DEPTOR: variants seen among roughly 807,000 people sequenced by gnomAD.
The protein encoded by DEPTOR is DEP domain containing MTOR interacting protein.
Under a neutral mutation model 41.6 loss-of-function variants are expected in DEPTOR, and 41 were observed. The ratio of observed to expected loss-of-function variants is 0.98; its 90% CI spans 0.77 to 1.28. DEPTOR has a LOEUF of 1.28. DEPTOR is among the 50% of genes most tolerant of loss of function. The pLI is 0.00. For missense variants in DEPTOR, 514 were observed against 527.9 expected (o/e 0.97, Z 0.26); for synonymous variants, 195 against 192.3 (o/e 1.01, Z -0.12).
intron 1 of DEPTOR, among the ~76,000 whole-genome samples, chr8:119,899,651 C>G (rs772024192): frequency 3.0e-4 from 45 of 152,268 alleles, no homozygotes; most frequent in East Asian, 1.5e-3. Flanking sequence ...ATGAGACAAC[C>G]ATAATTTGTG....
At chr8:119,985,411 T>C (rs536688660) in intron 4 of DEPTOR, among the ~76,000 whole-genome samples, 2 of 152,316 alleles carry the variant, frequency 1.3e-5, no homozygotes, top group African/African-American at 4.8e-5. Context: ...TTGTTTTTTC[T>C]TGTAAATTTG....
intron 4 of DEPTOR, among the ~76,000 whole-genome samples, chr8:119,999,753 A>G (rs1030029305): frequency 5.3e-5 from 8 of 152,256 alleles, no homozygotes; most frequent in Non-Finnish European, 7.3e-5. Context: ...TTCCACTTAC[A>G]TAATGTTCTC....
intron 8 of DEPTOR, among the ~76,000 whole-genome samples, chr8:120,044,226 A>G (rs956416553): frequency 3.3e-5 from 5 of 151,866 alleles, no homozygotes; most frequent in Admixed American, 6.6e-5. Context: ...CCCAGGTTCA[A>G]GTGATTCTCC....
At chr8:119,927,509 TA>T (rs1391551797) in intron 1 of DEPTOR, among the ~76,000 whole-genome samples, 1 of 151,130 alleles carries the variant, frequency 6.6e-6, no homozygotes, top group Non-Finnish European at 1.5e-5. Context: ...TATTTCTTTC[TA>T]GGCAGATTCT....
intron 3 of DEPTOR, among the ~76,000 whole-genome samples, chr8:119,963,374 G>A (rs907984921): frequency 5.3e-5 from 8 of 151,132 alleles, no homozygotes; most frequent in Admixed American, 2.6e-4. Context: ...TTTTTGAGAC[G>A]GAGTCTCCCT....
At position 119,929,883 on chromosome 8, in the gene DEPTOR, T is replaced by C. The variant is rs1470022386; in HGVS notation, c.370T>C (p.Phe124Leu). ...CCGCTTTAGAAAGGATGACGGCACC[T>C]TCCCATTGGATAATGAAGTGAAGGC... Reference protein sequence around the residue: ...FYRFRKDDGTFPLDNEVKAFM... With the variant: ...FYRFRKDDGTLPLDNEVKAFM... The change falls in exon 3 of 9, where the codon TTC becomes CTC. Residue 124 changes from phenylalanine (F) to leucine (L), a missense_variant. Coordinates refer to ENST00000286234, the MANE Select transcript of DEPTOR (RefSeq NM_022783.4). 6 of 1,613,818 alleles carry C rather than the reference T, an allele frequency of 3.7e-6. No homozygotes were observed. Among genetic ancestry groups the C allele is most frequent in the Non-Finnish European group, 5.1e-6 (6 of 1,179,878 alleles).
intron 8 of DEPTOR, among the ~76,000 whole-genome samples, chr8:120,027,234 A>ATAATAATAAT (rs1554586787): frequency 4.1e-5 from 6 of 145,100 alleles, no homozygotes; most frequent in African/African-American, 1.5e-4. Context: ...AATAAAAATA[A>ATAATAATAAT]AATAATAATA....
At chr8:119,928,702 T>C (rs1035497414) in intron 2 of DEPTOR, 124 bp downstream of exon 2, 12 of 1,015,948 alleles carry the variant, frequency 1.2e-5, no homozygotes, top group Admixed American at 1.1e-4. Flanking sequence ...CTCTCCCTGA[T>C]TGCATTTTCT....
At chr8:119,962,998 G>T (rs780252280) in intron 3 of DEPTOR, among the ~76,000 whole-genome samples, 1 of 152,168 alleles carries the variant, frequency 6.6e-6, no homozygotes, top group Non-Finnish European at 1.5e-5. Flanking sequence ...CGTGAGCTCA[G>T]TTTTGGGCTT....
At chr8:119,921,749 T>TG (rs1262538314) in intron 1 of DEPTOR, among the ~76,000 whole-genome samples, 108 of 125,966 alleles carry the variant, frequency 8.6e-4, no homozygotes, top group African/African-American at 3.2e-3. Context: ...TATTCTGTAG[T>TG]TTTTTTTTTT....
chr8:119,933,311 G>A (rs535939358), intron 3 of DEPTOR, among the ~76,000 whole-genome samples: 5 of 152,020 alleles, frequency 3.3e-5, no homozygotes, highest in South Asian at 2.1e-4. Context: ...CCAACATGGC[G>A]AAACCCTATC....
rs1165291532 is a variant in DEPTOR at position 120,001,711 on chromosome 8, G to A, written c.790+1G>A. The A allele has an allele frequency of 6.2e-7, 1 of 1,607,528 alleles. No homozygotes were observed. The highest frequency in any genetic ancestry group is 1.7e-5 in the Admixed American group (1 of 59,618). ...CGGAAATCTACCAGCTTTATGTCAG[G>A]TATGCCATCCCGGCATTTATTGGAG... On this transcript the variant is annotated splice_donor_variant, in intron 5 of 8. Transcript: ENST00000286234. LOFTEE classifies it high-confidence loss of function.
At chr8:119,958,647 T>G (rs1009614143) in intron 3 of DEPTOR, among the ~76,000 whole-genome samples, 1 of 151,926 alleles carries the variant, frequency 6.6e-6, no homozygotes, top group African/African-American at 2.4e-5. Flanking sequence ...CCAGGTGTGG[T>G]GGCATGCACC....
At chr8:120,047,132 T>C (rs1209550291) in intron 8 of DEPTOR, among the ~76,000 whole-genome samples, 5 of 152,280 alleles carry the variant, frequency 3.3e-5, no homozygotes, top group African/African-American at 1.2e-4. Flanking sequence ...CAAGCAATTC[T>C]CCTGCCCCAG....
chr8:119,983,754 G>T (rs978035308), intron 4 of DEPTOR, among the ~76,000 whole-genome samples: 8 of 134,118 alleles, frequency 6.0e-5, no homozygotes, highest in Admixed American at 4.3e-4. Context: ...AAGTAGGTGG[G>T]TTTTTTTTTC....
At chr8:119,891,066 C>G (rs572055980) in intron 1 of DEPTOR, 1 of 151,936 alleles carries the variant, frequency 6.6e-6, no homozygotes, top group South Asian at 2.1e-4. Flanking sequence ...AATTTCAGGT[C>G]TATTCCTCCC....
intron 4 of DEPTOR, among the ~76,000 whole-genome samples, chr8:119,997,794 G>A (rs13251873): frequency 6.6e-6 from 1 of 152,182 alleles, no homozygotes; most frequent in Non-Finnish European, 1.5e-5. Flanking sequence ...GATTGCATGT[G>A]TTGATGTTGA....
intron 3 of DEPTOR, among the ~76,000 whole-genome samples, chr8:119,939,248 G>A (rs1043551768): frequency 1.3e-5 from 2 of 152,136 alleles, no homozygotes; most frequent in Non-Finnish European, 2.9e-5. Context: ...ACCTAACTTT[G>A]TTGGCTCGCT....
intron 4 of DEPTOR, among the ~76,000 whole-genome samples, chr8:119,972,622 CAAAAAAAAAAA>C (rs59750717): frequency 0.78 from 108,108 of 138,856 alleles, 40,246 homozygotes; most frequent in Middle Eastern, 0.87. Context: ...GACTCTGTCT[CAAAAAAAAAAA>C]AAAAAAAAAA....
Sources: allele counts gnomAD v4.1 joint callset (sites outside exome capture counted in the v4.1 genomes callset), GRCh38; gene constraint gnomAD v4.1.1; transcripts MANE v1.5; gene names NCBI Gene and HGNC (gene_info 2026-07-23, HGNC 2026-07-21).